The following HERC1 variants were observed in gnomAD, a reference collection of about 807,000 sequenced individuals.
HERC1 encodes the protein probable E3 ubiquitin-protein ligase HERC1.
Under a neutral mutation model 554.3 loss-of-function variants are expected in HERC1, and 160 were observed. That is an observed-to-expected ratio of 0.29 (90% confidence interval 0.25 to 0.33). HERC1 has a LOEUF of 0.33. Among genes scored for constraint, HERC1 ranks in the 10% least tolerant of loss-of-function variants. The pLI is 1.00. For synonymous variants in HERC1, 2,175 were observed against 2,131.7 expected, an observed-to-expected ratio of 1.02 and a Z score of -0.56; for missense variants, 4,919 against 5,918.5, an observed-to-expected ratio of 0.83 and a Z score of 5.54.
intron 1 of HERC1, among the ~76,000 whole-genome samples, chr15:63,790,562 A>G (rs1243359454): frequency 1.3e-5 from 2 of 152,110 alleles, no homozygotes; most frequent in African/African-American, 4.8e-5. Flanking sequence ...TGGGCGACAC[A>G]GCAAGACTCC....
intron 25 of HERC1, among the ~76,000 whole-genome samples, chr15:63,699,898 T>TA (rs2072626908): frequency 6.6e-6 from 1 of 152,184 alleles, no homozygotes; most frequent in Admixed American, 6.5e-5. Flanking sequence ...CTCAGATACA[T>TA]AAATTTGATT....
intron 64 of HERC1, 117 bp from the exon 65 acceptor site, chr15:63,636,259 G>A: frequency 4.1e-6 from 3 of 735,366 alleles, no homozygotes; most frequent in Non-Finnish European, 6.3e-6. Context: ...ATGAAAATAA[G>A]AATAATTTCA....
chr15:63,733,214 C>G (rs2074368190), intron 13 of HERC1, 69 bp from the exon 14 acceptor site: 2 of 1,003,686 alleles, frequency 2.0e-6, no homozygotes, highest in East Asian at 4.8e-5. Flanking sequence ...AAAAGGATCC[C>G]AGAAAAAAAC....
chr15:63,659,817 A>T lies in HERC1; in HGVS notation c.9343T>A (p.Phe3115Ile), dbSNP rs1215358543. The change falls in exon 47 of 78, where the codon TTC becomes ATC. Residue 3115 changes from phenylalanine to isoleucine, a missense_variant. Physicochemically the swap from Phe to Ile is conservative, Grantham distance 21. Transcript: ENST00000443617. ...GCTCCCAGTGGATCGCTGTCAGGGA[A>T]CTGAACTGGTTCTGGTACAATGCGC... ...DRRIVPEPVQ[F>I]PDSDPLGASV... 2 of 1,613,802 alleles carry T rather than the reference A, an allele frequency of 1.2e-6. No homozygotes were observed. Among genetic ancestry groups the T allele is most frequent in the Non-Finnish European group, 1.7e-6 (2 of 1,179,850 alleles).
At chr15:63,667,807 C>T (rs1427297207) in intron 40 of HERC1, among the ~76,000 whole-genome samples, 1 of 152,146 alleles carries the variant, frequency 6.6e-6, no homozygotes, top group Non-Finnish European at 1.5e-5. Flanking sequence ...TTGTACTGCT[C>T]GGGTCCACTT....
At chr15:63,620,362 T>C (rs985471047) in intron 74 of HERC1, among the ~76,000 whole-genome samples, 2 of 151,910 alleles carry the variant, frequency 1.3e-5, no homozygotes, top group African/African-American at 4.8e-5. Flanking sequence ...TGAGAGACAG[T>C]TTGTTATAAT....
chr15:63,744,164 G>GTGTGTGTGTCTCTCTCTCTC, intron 12 of HERC1, among the ~76,000 whole-genome samples: 1 of 46,312 alleles, frequency 2.2e-5, no homozygotes, highest in African/African-American at 6.7e-5. Context: ...GTGTGTGTGT[G>GTGTGTGTGTCTCTCTCTCTC]TCTCTCTCTC....
At position 63,634,082 on chromosome 15, in the gene HERC1, T is replaced by C. The variant is rs1403036192; in HGVS notation, c.12571-112A>G. ...TGAAAAACTTGGCTATGTTTCCAAA[T>C]ATCTACAATGGTTTCAGAGCATACT... On this transcript the variant is annotated intron_variant, in intron 66 of 77. Transcript: ENST00000443617. 8 of 1,183,582 alleles carry C rather than the reference T, an allele frequency of 6.8e-6. No homozygotes were observed. In the African/African-American group the frequency reaches 1.2e-4, roughly 18 times the overall value. The allele number at this position is 1,183,582 out of a possible 1,614,324, so 73.3% of individuals were successfully genotyped here. A position where few individuals can be genotyped will look rare whatever the true frequency, so the allele number is the denominator to read the frequency against.
chr15:63,756,513 T>C lies in HERC1; in HGVS notation c.1457A>G (p.Asp486Gly). The change falls in exon 5 of 78, where the codon GAT (aspartate) becomes GGT (glycine). Residue 486 changes from aspartate to glycine, a missense_variant. By Grantham distance (94) the Asp-to-Gly change is moderately conservative (BLOSUM62 -1). Coordinates refer to ENST00000443617, the MANE Select transcript of HERC1 (RefSeq NM_003922.4). The surrounding 1 kb of genome is among the most constrained non-coding windows in gnomAD (Gnocchi z 5.0). ...ATTTCCATGCCCCAGTTTCCCATAA[T>C]CACCATCTCCCCAACTGAAGACTTC... ...EGEVFSWGDG[D>G]YGKLGHGNSS... 1 of 1,613,958 alleles carries C rather than the reference T, an allele frequency of 6.2e-7. No homozygotes were observed. Among genetic ancestry groups the C allele is most frequent in the Non-Finnish European group, 8.5e-7 (1 of 1,179,840 alleles).
chr15:63,733,205 A>G (rs201563473), intron 13 of HERC1, 60 bp from the exon 14 acceptor site: 66 of 1,115,382 alleles, frequency 5.9e-5, no homozygotes, highest in Admixed American at 5.9e-4. Context: ...AAAGAACACA[A>G]AAGGATCCCA....
intron 2 of HERC1, among the ~76,000 whole-genome samples, chr15:63,768,411 A>C (rs1257478827): frequency 6.6e-6 from 1 of 152,238 alleles, no homozygotes; most frequent in Non-Finnish European, 1.5e-5. Flanking sequence ...GTCCAGACTC[A>C]GGTATGGAAT....
intron 11 of HERC1, among the ~76,000 whole-genome samples, 184 bp from the exon 12 acceptor site, chr15:63,747,267 C>T (rs2075089305): frequency 6.6e-6 from 1 of 152,082 alleles, no homozygotes; most frequent in African/African-American, 2.4e-5. Context: ...AGAGACTAGC[C>T]TGGCCAACAT....
chr15:63,808,248 C>CT (rs1215492225), intron 1 of HERC1, among the ~76,000 whole-genome samples: 10 of 152,120 alleles, frequency 6.6e-5, no homozygotes, highest in Non-Finnish European at 1.3e-4. Context: ...ATAACGGCTG[C>CT]TATCAAACTT....
chr15:63,716,573 A>G (rs1596052546), intron 21 of HERC1, 100 bp from the exon 22 acceptor site: 7 of 952,364 alleles, frequency 7.4e-6, no homozygotes, highest in Admixed American at 3.0e-5. Flanking sequence ...AATATTGTTG[A>G]TATCAGTAAT....
In HERC1 at chr15:63,672,511, G is replaced by T; in HGVS notation, c.8030C>A (p.Pro2677His). Residue 2677 changes from proline to histidine, a missense_variant, in exon 39 of 78, where the codon CCT becomes CAT. Pro to His is a moderately conservative substitution (Grantham distance 77, BLOSUM62 -2). Coordinates refer to ENST00000443617, the MANE Select transcript of HERC1 (RefSeq NM_003922.4). ...VPASESPGVM[P>H]LSLLRQMFSS... is the part of the protein sequence containing the mutation. Reference sequence around the variant, plus strand: ...ACTTCTCTACCTGAGAAGACTAAGAGGCATCACTCCCGGGGACTCGGATGC... The same window carrying T: ...ACTTCTCTACCTGAGAAGACTAAGATGCATCACTCCCGGGGACTCGGATGC... 1 of 1,595,920 alleles carries T rather than the reference G, an allele frequency of 6.3e-7. No individual in the cohort carries two copies. Among genetic ancestry groups the T allele is most frequent in the Non-Finnish European group, 8.5e-7 (1 of 1,170,822 alleles).
In HERC1 at chr15:63,677,066, T is replaced by A. The variant is rs1476504804; in HGVS notation, c.7070+779A>T. On this transcript the variant is annotated intron_variant, in intron 37 of 77. Coordinates refer to ENST00000443617, the MANE Select transcript of HERC1 (RefSeq NM_003922.4). This position sits in a 1 kb window ranked among gnomAD's most constrained non-coding sequence, Gnocchi z 4.4. ...GTACTTAGCAGGTGAGCATCCCAAA[T>A]CCAAAAATCCCAAATCTGAAATGCT... 6.6e-6 allele frequency among the ~76,000 whole-genome samples: 1 copy of A among 152,110 alleles called. No individual in the cohort carries two copies. Among genetic ancestry groups the A allele is most frequent in the Non-Finnish European group, 1.5e-5 (1 of 68,012 alleles).
Position 63,636,109 on chromosome 15 carries a change from C to T in HERC1, c.12266G>A (p.Gly4089Asp). 6.2e-7 allele frequency: 1 copy of T among 1,613,826 alleles called. No individual in the cohort carries two copies. Among genetic ancestry groups the T allele is most frequent in the Non-Finnish European group, 8.5e-7 (1 of 1,179,848 alleles). ...FVVTQLVTSC[G>D]SDGHSMALTE... ...TAGGGCCATAGAGTGCCCATCAGAA[C>T]CACAGGAAGTCACCAGCTGGGTCAC... Residue 4089 changes from glycine (G) to aspartate (D), a missense_variant, in exon 65 of 78, where the codon GGT becomes GAT. Coordinates refer to ENST00000443617, the MANE Select transcript of HERC1 (RefSeq NM_003922.4).
intron 8 of HERC1, among the ~76,000 whole-genome samples, chr15:63,750,941 A>C (rs949777440): frequency 5.3e-5 from 8 of 152,232 alleles, no homozygotes; most frequent in African/African-American, 1.9e-4. Flanking sequence ...TGAGTTCAAA[A>C]TAAAATAAAA....
chr15:63,791,489 G>A lies in HERC1; in HGVS notation c.-26-15840C>T, dbSNP rs149942173. On this transcript the variant is annotated intron_variant, in intron 1 of 77. Transcript: ENST00000443617. ...TAAGGGATGATCTTTTTCAAAACAA[G>A]ATCAGCAGAGGGAAGTTCAAAGAAC... Among the ~76,000 whole-genome samples, 41 of 152,260 alleles carry A rather than the reference G, an allele frequency of 2.7e-4. No individual in the cohort carries two copies. The East Asian group carries it at 7.9e-3, about 29-fold the overall frequency.
Sources: allele counts gnomAD v4.1 joint callset (sites outside exome capture counted in the v4.1 genomes callset), GRCh38; gene constraint gnomAD v4.1.1; non-coding constraint Gnocchi (gnomAD v3.1); transcripts MANE v1.5; gene names NCBI Gene and HGNC (gene_info 2026-07-23, HGNC 2026-07-21).